The following LAMA2 variants were observed in gnomAD, a reference collection of about 807,000 sequenced individuals.
LAMA2 encodes the protein laminin subunit alpha-2.
Under a neutral mutation model 364.8 loss-of-function variants are expected in LAMA2, and 269 were observed. The ratio of observed to expected loss-of-function variants is 0.74; its 90% CI spans 0.67 to 0.82. The LOEUF is 0.82. Among genes scored for constraint, LAMA2 ranks in the 40% least tolerant of loss-of-function variants. The probability of loss-of-function intolerance (pLI) is 0.00; values close to 1 mark genes in which losing one functional copy is unlikely to be tolerated. For synonymous variants in LAMA2, 1,379 were observed against 1,370.6 expected (o/e 1.01, Z -0.14); for missense variants, 3,807 against 3,873.2 (o/e 0.98, Z 0.45).
chr6:129,514,668 CGT>C lies in LAMA2; in HGVS notation c.9211+78_9211+79del, dbSNP rs897916612. ...CTGGTTTTGAAAACATTTATATTTA[CGT>C]GTGTCTAAGAATGTGTGCTTATGTG... On this transcript the variant is annotated intron_variant, in intron 64 of 64. Coordinates refer to ENST00000421865, the MANE Select transcript of LAMA2 (RefSeq NM_000426.4). 1.2e-5 allele frequency: 14 copies of C among 1,213,584 alleles called. No individual in the cohort carries two copies. In the African/African-American group the frequency reaches 1.8e-4, roughly 16 times the overall value. 75.2% of individuals were successfully genotyped at this position (1,213,584 alleles called of 1,614,324 possible).
At chr6:129,125,351 C>G (rs74975212) in intron 4 of LAMA2, among the ~76,000 whole-genome samples, 1 of 152,030 alleles carries the variant, frequency 6.6e-6, no homozygotes. Context: ...CTTAAAGATA[C>G]GAATTAGAGA....
At chr6:129,183,517 CCT>C (rs1265844648) in intron 10 of LAMA2, among the ~76,000 whole-genome samples, 1 of 151,896 alleles carries the variant, frequency 6.6e-6, no homozygotes, top group East Asian at 1.9e-4. Flanking sequence ...CCTTGGCTTA[CCT>C]CTCCAGAATG....
intron 43 of LAMA2, chr6:129,442,772 C>G: frequency 2.3e-6 from 1 of 440,240 alleles, no homozygotes; most frequent in African/African-American, 2.0e-5. Flanking sequence ...ATCCTATCCT[C>G]TATTATGAGA....
chr6:129,467,144 T>G (rs759277676), intron 51 of LAMA2, among the ~76,000 whole-genome samples: 4 of 151,712 alleles, frequency 2.6e-5, no homozygotes, highest in Non-Finnish European at 4.4e-5. Flanking sequence ...AAATGTGGTA[T>G]ATATACACCA....
chr6:128,929,867 G>T, intron 1 of LAMA2: 2 of 969,604 alleles, frequency 2.1e-6, no homozygotes, highest in Non-Finnish European at 1.7e-6. Flanking sequence ...AGACTTCCAC[G>T]AGTGAAGATC....
At position 129,443,119 on chromosome 6, in the gene LAMA2, C is replaced by T. The variant is rs184513809; in HGVS notation, c.6274+51C>T. On this transcript the variant is annotated intron_variant, in intron 44 of 64. Coordinates refer to ENST00000421865, the MANE Select transcript of LAMA2 (RefSeq NM_000426.4). ...TTTTAGTAACGCTCATGCTTCATTG[C>T]CTATTGCAAAAAGTTTCAGCTTTGC... is the stretch of plus-strand genomic sequence containing the variant. 94 of 1,433,886 alleles carry T rather than the reference C, an allele frequency of 6.6e-5. No individual in the cohort carries two copies. The African/African-American group carries it at 1.2e-3, about 18-fold the overall frequency. 88.8% of individuals were successfully genotyped at this position (1,433,886 alleles called of 1,614,324 possible).
rs553029031 is a variant in LAMA2, at chr6:129,232,256, A to G, written c.1783-17856A>G. 2.6e-5 allele frequency among the ~76,000 whole-genome samples: 4 copies of G among 152,194 alleles called. No individual in the cohort carries two copies. The East Asian group carries it at 7.7e-4, about 29-fold the overall frequency. ...GAGTTTAACTCTTACTTTTGACATGATTTATATTCTAAGGAGATCTCAGCT... is the reference window on the plus strand; with the variant it reads ...GAGTTTAACTCTTACTTTTGACATGGTTTATATTCTAAGGAGATCTCAGCT... On this transcript the variant is annotated intron_variant, in intron 12 of 64. Transcript: ENST00000421865.
At chr6:129,281,152 G>GA (rs969401329) in intron 18 of LAMA2, among the ~76,000 whole-genome samples, 16 of 149,816 alleles carry the variant, frequency 1.1e-4, no homozygotes, top group Non-Finnish European at 1.6e-4. Context: ...AGGAATGAAA[G>GA]AAAAAAAAAT....
At chr6:129,277,043 C>T (rs2114380387) in intron 17 of LAMA2, among the ~76,000 whole-genome samples, 1 of 152,194 alleles carries the variant, frequency 6.6e-6, no homozygotes, top group South Asian at 2.1e-4. Flanking sequence ...TTTTCATGTC[C>T]AGCTTTTTAT....
intron 1 of LAMA2, among the ~76,000 whole-genome samples, chr6:128,943,350 T>C (rs977676663): frequency 6.6e-6 from 1 of 151,690 alleles, no homozygotes; most frequent in Non-Finnish European, 1.5e-5. Flanking sequence ...GTGGTGCAAT[T>C]ATGGCTCACT....
At chr6:128,927,504 C>A (rs372356437) in intron 1 of LAMA2, among the ~76,000 whole-genome samples, 6 of 152,216 alleles carry the variant, frequency 3.9e-5, no homozygotes, top group African/African-American at 1.4e-4. Context: ...CTTTGGATAT[C>A]CTTATTCGCA....
intron 58 of LAMA2, among the ~76,000 whole-genome samples, chr6:129,494,890 A>C (rs1274686533): frequency 6.6e-6 from 1 of 152,252 alleles, no homozygotes; most frequent in Non-Finnish European, 1.5e-5. Flanking sequence ...TCAGTTGAAG[A>C]ATTAGAAAAC....
At chr6:129,141,775 C>T (rs1411839456) in intron 4 of LAMA2, among the ~76,000 whole-genome samples, 1 of 152,058 alleles carries the variant, frequency 6.6e-6, no homozygotes, top group African/African-American at 2.4e-5. Flanking sequence ...CCTCAGTGCA[C>T]ACACTGTCCT....
In LAMA2 at chr6:129,402,803, A is replaced by G. The variant is rs148114130; in HGVS notation, c.5726+316A>G. 3.4e-3 allele frequency among the ~76,000 whole-genome samples: 523 copies of G among 152,348 alleles called. 3 individuals carry two copies. The highest frequency in any genetic ancestry group is 0.012 in the African/African-American group (506 of 41,584). On this transcript the variant is annotated intron_variant, in intron 39 of 64. Coordinates refer to ENST00000421865, the MANE Select transcript of LAMA2 (RefSeq NM_000426.4). ...ACAGTGGTTGCCTTATTAGCATTTTAAATAACATATATGAAAATACATTCT... is the reference window on the plus strand; with the variant it reads ...ACAGTGGTTGCCTTATTAGCATTTTGAATAACATATATGAAAATACATTCT...
intron 1 of LAMA2, among the ~76,000 whole-genome samples, chr6:128,981,830 T>A (rs1346863315): frequency 6.6e-6 from 1 of 152,196 alleles, no homozygotes; most frequent in Non-Finnish European, 1.5e-5. Flanking sequence ...CTCTTCTTAC[T>A]GCTTTCAGCA....
chr6:129,067,730 G>A (rs972002994), intron 3 of LAMA2, among the ~76,000 whole-genome samples: 1 of 152,118 alleles, frequency 6.6e-6, no homozygotes, highest in Admixed American at 6.5e-5. Flanking sequence ...TTGCCCAGCT[G>A]GTCATCCCGC....
At chr6:128,917,334 A>C (rs1163785801) in intron 1 of LAMA2, among the ~76,000 whole-genome samples, 1 of 152,126 alleles carries the variant, frequency 6.6e-6, no homozygotes, top group African/African-American at 2.4e-5. Context: ...AGAGAAGAAC[A>C]TTATTTTTCT....
rs1243469624 is a variant in LAMA2 at position 128,891,545 on chromosome 6, A to G, written c.112+8188A>G. ...TTGGTTTGTCGTGGTACATATGTAAAACACTGAATATAAAACATGAAACAT... is the reference window on the plus strand; with the variant it reads ...TTGGTTTGTCGTGGTACATATGTAAGACACTGAATATAAAACATGAAACAT... On this transcript the variant is annotated intron_variant, in intron 1 of 64. Coordinates refer to ENST00000421865, the MANE Select transcript of LAMA2 (RefSeq NM_000426.4). Among the ~76,000 whole-genome samples, 5 of 152,090 alleles carry G rather than the reference A, an allele frequency of 3.3e-5. No homozygotes were observed. The East Asian group carries it at 9.7e-4, about 29-fold the overall frequency.
rs368878784 is a variant in LAMA2 at position 129,276,453 on chromosome 6, A to T, written c.2451-3608A>T. Among the ~76,000 whole-genome samples, 98 of 152,198 alleles carry T rather than the reference A, an allele frequency of 6.4e-4. 3 individuals are homozygous for T. The South Asian group carries it at 0.02, about 31-fold the overall frequency. On this transcript the variant is annotated intron_variant, in intron 17 of 64. Transcript: ENST00000421865. ...AGTTAAAGACACACAAAATATTCTC[A>T]CACATTGACTTAATATGTGTTTAAT...
Sources: gnomAD v4.1 joint callset for allele counts (sites outside exome capture counted in the v4.1 genomes callset) on GRCh38, gnomAD v4.1.1 for gene constraint, MANE v1.5 for transcripts, NCBI Gene and HGNC (gene_info 2026-07-23, HGNC 2026-07-21) for gene names.